SHTN1: variants seen among roughly 807,000 people sequenced by gnomAD.
The protein encoded by SHTN1 is shootin-1.
In SHTN1, 42 loss-of-function variants were observed where a neutral mutation model predicts 83.1. That is an observed-to-expected ratio of 0.51 (90% confidence interval 0.39 to 0.65). The LOEUF (loss-of-function observed/expected upper bound fraction) is 0.65, where lower values mean the gene tolerates loss of function less well. Among genes scored for constraint, SHTN1 ranks in the 30% least tolerant of loss-of-function variants. The probability of loss-of-function intolerance (pLI) is 0.00; values close to 1 mark genes in which losing one functional copy is unlikely to be tolerated. For missense variants in SHTN1, 622 were observed against 737.8 expected (o/e 0.84, Z 1.82); for synonymous variants, 224 against 247.7 (o/e 0.90, Z 0.90).
intron 2 of SHTN1, among the ~76,000 whole-genome samples, chr10:116,975,738 T>TC (rs920485980): frequency 6.6e-6 from 1 of 151,896 alleles, no homozygotes; most frequent in East Asian, 1.9e-4. Flanking sequence ...ATGGGTCCAC[T>TC]CCCCCTGCCC....
At chr10:117,054,893 T>C (rs7089319) in intron 1 of SHTN1, among the ~76,000 whole-genome samples, 137,933 of 152,108 alleles carry the variant, frequency 0.91, 63,314 homozygotes, top group Non-Finnish European at 0.98. Context: ...TATGTCTTTG[T>C]CTATAACTCC....
At chr10:117,028,365 AAT>A (rs1228747968) in intron 2 of SHTN1, among the ~76,000 whole-genome samples, 4 of 152,206 alleles carry the variant, frequency 2.6e-5, no homozygotes, top group African/African-American at 9.6e-5. Context: ...TGTAGTAGTA[AAT>A]AAAGGCCCAC....
At chr10:116,965,489 T>C (rs1348857422) in intron 3 of SHTN1, among the ~76,000 whole-genome samples, 1 of 152,156 alleles carries the variant, frequency 6.6e-6, no homozygotes, top group African/African-American at 2.4e-5. Flanking sequence ...TGCACTGCAG[T>C]CTGGGCAACA....
chr10:116,939,757 A>C (rs929021791), intron 9 of SHTN1, among the ~76,000 whole-genome samples: 1 of 152,266 alleles, frequency 6.6e-6, no homozygotes, highest in Admixed American at 6.5e-5. Flanking sequence ...AACAAGTAGC[A>C]GCTAACAGCC....
At chr10:116,973,094 A>T (rs1258260627) in intron 2 of SHTN1, among the ~76,000 whole-genome samples, 1 of 152,166 alleles carries the variant, frequency 6.6e-6, no homozygotes, top group Admixed American at 6.5e-5. Flanking sequence ...CAGCTCAGTT[A>T]TTCATCCCTC....
At chr10:116,934,250 C>T (rs531676157) in intron 9 of SHTN1, among the ~76,000 whole-genome samples, 1 of 152,246 alleles carries the variant, frequency 6.6e-6, no homozygotes, top group South Asian at 2.1e-4. Flanking sequence ...TGCCTATGTC[C>T]TGAATGGTAT....
At chr10:117,018,921 G>C (rs1852223476) in intron 2 of SHTN1, among the ~76,000 whole-genome samples, 2 of 152,068 alleles carry the variant, frequency 1.3e-5, no homozygotes, top group South Asian at 4.1e-4. Context: ...AGCCAGTACA[G>C]TAAGGAAGAA....
intron 1 of SHTN1, among the ~76,000 whole-genome samples, chr10:117,116,022 G>C (rs192915011): frequency 9.2e-5 from 14 of 151,866 alleles, no homozygotes; most frequent in Non-Finnish European, 4.4e-5. Context: ...AGAGAATCAA[G>C]AACAAACTAA....
chr10:116,996,928 T>G (rs1450194070), intron 1 of SHTN1, among the ~76,000 whole-genome samples: 1 of 152,228 alleles, frequency 6.6e-6, no homozygotes, highest in Non-Finnish European at 1.5e-5. Flanking sequence ...TGAGACTTTC[T>G]GAAAGTAAAG....
chr10:116,964,727 A>G (rs1019273937), intron 3 of SHTN1, among the ~76,000 whole-genome samples: 2 of 152,246 alleles, frequency 1.3e-5, no homozygotes, highest in African/African-American at 4.8e-5. Flanking sequence ...TCATGCCTGT[A>G]ATCCCAGCAC....
At chr10:116,981,056 C>T (rs868547851) in intron 1 of SHTN1, among the ~76,000 whole-genome samples, 2 of 152,158 alleles carry the variant, frequency 1.3e-5, no homozygotes, top group Non-Finnish European at 2.9e-5. Context: ...TGGTGGCTCA[C>T]GCCTGTAATC....
At chr10:117,016,930 G>T (rs948504751) in intron 2 of SHTN1, among the ~76,000 whole-genome samples, 1 of 152,028 alleles carries the variant, frequency 6.6e-6, no homozygotes, top group African/African-American at 2.4e-5. Flanking sequence ...CCACTGAGAA[G>T]GCCTAGAAAC....
rs111501756 is a variant in SHTN1 at position 116,911,522 on chromosome 10, G to A, written c.1359+268C>T. On this transcript the variant is annotated intron_variant, in intron 14 of 16. Transcript: ENST00000355371. ...AGCCACTTCATCTTCAAGCTGTGAT[G>A]CCAGGATTGGAGGGCAAGAACAGGA... 5.8e-6 allele frequency: 9 copies of A among 1,550,396 alleles called. No individual in the cohort carries two copies. The East Asian group carries it at 7.3e-5, about 13-fold the overall frequency.
rs1372389435 is a variant in SHTN1 at position 117,072,556 on chromosome 10, C to A, written c.-188-24046G>T. 1.4e-4 allele frequency among the ~76,000 whole-genome samples: 21 copies of A among 152,254 alleles called. No individual in the cohort carries two copies. The East Asian group carries it at 4.1e-3, about 29-fold the overall frequency. ...TCACAGGACTCTGTGCAGACAACCC[C>A]CAGTACAAGCCCAGAGCCTGGTAGA... On this transcript the variant is annotated intron_variant, in intron 1 of 17. Coordinates refer to the SHTN1 transcript ENST00000392901.
chr10:117,042,091 G>A (rs1363763065), intron 2 of SHTN1, among the ~76,000 whole-genome samples: 1 of 152,170 alleles, frequency 6.6e-6, no homozygotes, highest in Non-Finnish European at 1.5e-5. Flanking sequence ...GAAAGAAAGG[G>A]AAAGCAAAAG....
intron 10 of SHTN1, among the ~76,000 whole-genome samples, chr10:116,928,319 C>G (rs1848818622): frequency 6.6e-6 from 1 of 152,172 alleles, no homozygotes; most frequent in South Asian, 2.1e-4. Context: ...ATACTTCTCT[C>G]CCCTGCTTAA....
At chr10:116,923,137 C>G (rs762507940) in intron 11 of SHTN1, among the ~76,000 whole-genome samples, 10 of 152,020 alleles carry the variant, frequency 6.6e-5, no homozygotes, top group Non-Finnish European at 1.2e-4. Context: ...AGGAAATGAT[C>G]ACCATAAAAG....
At chr10:117,066,097 A>C (rs962944885) in intron 1 of SHTN1, among the ~76,000 whole-genome samples, 2 of 152,132 alleles carry the variant, frequency 1.3e-5, no homozygotes, top group Non-Finnish European at 2.9e-5. Context: ...AAGAAACATT[A>C]GAAATAGCAC....
chr10:117,005,651 T>G (rs1851992633), upstream of SHTN1: 3 of 914,404 alleles, frequency 3.3e-6, no homozygotes, highest in Admixed American at 6.2e-5. Context: ...AAAACCTAGC[T>G]GCCCACAGGG....
Sources: gnomAD v4.1 joint callset for allele counts (sites outside exome capture counted in the v4.1 genomes callset) on GRCh38, gnomAD v4.1.1 for gene constraint, MANE v1.5 for transcripts, NCBI Gene and HGNC (gene_info 2026-07-23, HGNC 2026-07-21) for gene names.